Variants in IP6K1 observed in about 807,000 individuals in gnomAD.
The protein encoded by IP6K1 is ATP:1D-myo-inositol-hexakisphosphate phosphotransferase.
IP6K1 carries 13 observed loss-of-function variants against 38.3 expected under a neutral mutation model. That is an observed-to-expected ratio of 0.34 (90% CI 0.22 to 0.54). IP6K1 has a LOEUF of 0.54. Among genes scored for constraint, IP6K1 ranks in the 20% least tolerant of loss-of-function variants. The pLI is 0.92. For synonymous variants in IP6K1, 212 were observed against 229.9 expected (o/e 0.92, Z 0.70); for missense variants, 397 against 599.8 (o/e 0.66, Z 3.53).
At chr3:49,754,236 C>T (rs1037922293) in intron 1 of IP6K1, among the ~76,000 whole-genome samples, 4 of 151,818 alleles carry the variant, frequency 2.6e-5, no homozygotes, top group South Asian at 2.1e-4. Flanking sequence ...ATTAGCCAGG[C>T]GTGGTGGTGT....
chr3:49,736,451 T>C (rs1331260917), intron 3 of IP6K1, among the ~76,000 whole-genome samples: 1 of 152,184 alleles, frequency 6.6e-6, no homozygotes, highest in African/African-American at 2.4e-5. Flanking sequence ...GTGAACACTT[T>C]ACATAAATGG....
At chr3:49,766,317 C>A (rs540904064) in intron 1 of IP6K1, among the ~76,000 whole-genome samples, 3 of 151,882 alleles carry the variant, frequency 2.0e-5, no homozygotes, top group Non-Finnish European at 4.4e-5. Context: ...TGCAGTGAGC[C>A]AAGATCGCGC....
At chr3:49,729,332 A>G (rs2080542834) in intron 4 of IP6K1, among the ~76,000 whole-genome samples, 2 of 152,078 alleles carry the variant, frequency 1.3e-5, no homozygotes, top group South Asian at 4.1e-4. Context: ...ATATATCACA[A>G]ACTTTTTTGT....
intron 3 of IP6K1, among the ~76,000 whole-genome samples, chr3:49,736,716 A>G (rs934037540): frequency 5.9e-5 from 9 of 152,090 alleles, no homozygotes; most frequent in African/African-American, 1.9e-4. Context: ...TATGTATTCA[A>G]TTCTTTTGGG....
chr3:49,727,792 GC>G lies in IP6K1; in HGVS notation c.793-138del. 1.1e-6 allele frequency: 1 copy of G among 895,686 alleles called. No individual in the cohort carries two copies. The highest frequency in any genetic ancestry group is 1.7e-6 in the Non-Finnish European group (1 of 599,434). 55.5% of individuals were successfully genotyped at this position (895,686 alleles called of 1,614,324 possible). A position where few individuals can be genotyped will look rare whatever the true frequency, so the allele number is the denominator to read the frequency against. ...CACCTATCTAAGTGGAACCAGGCAG[GC>G]CACATTCACCCTGGGTTTTCCCATT... On this transcript the variant is annotated intron_variant, in intron 5 of 5. Transcript: ENST00000321599. The surrounding 1 kb of genome is among the most constrained non-coding windows in gnomAD (Gnocchi z 5.9).
intron 1 of IP6K1, among the ~76,000 whole-genome samples, chr3:49,774,187 T>C (rs2080985288): frequency 6.6e-6 from 1 of 151,926 alleles, no homozygotes; most frequent in South Asian, 2.1e-4. Flanking sequence ...AGGCGGATCA[T>C]GAGGTTAGGA....
At position 49,727,981 on chromosome 3, in the gene IP6K1, AAGTCAAC is replaced by A; in HGVS notation, c.792+115_792+121del. On this transcript the variant is annotated intron_variant, in intron 5 of 5. Coordinates refer to ENST00000321599, the MANE Select transcript of IP6K1 (RefSeq NM_153273.4). The surrounding 1 kb of genome is among the most constrained non-coding windows in gnomAD (Gnocchi z 5.9). ...GGTCCTGCACCTGAGGCCCATATCA[AAGTCAAC>A]AGGTAAGGACAGAGGGGCTCAGGAG... 3.1e-6 allele frequency: 3 copies of A among 982,680 alleles called. No individual in the cohort carries two copies. In the South Asian group the frequency reaches 4.6e-5, roughly 15 times the overall value. 60.9% of individuals were successfully genotyped at this position (982,680 alleles called of 1,614,324 possible).
rs751051617 is a variant in IP6K1, at chr3:49,726,968, G to C, written c.*154C>G. 7 of 772,912 alleles carry C rather than the reference G, an allele frequency of 9.1e-6. No individual in the cohort carries two copies. Among genetic ancestry groups the C allele is most frequent in the Non-Finnish European group, 1.4e-5 (7 of 490,566 alleles). 47.9% of individuals were successfully genotyped at this position (772,912 alleles called of 1,614,324 possible). On this transcript the variant is annotated 3_prime_UTR_variant, in exon 6 of 6. Coordinates refer to ENST00000321599, the MANE Select transcript of IP6K1 (RefSeq NM_153273.4). ...TGCCCTCCTTCACTTTATATATATG[G>C]ATTCCAGGCTACAGCTAAAAACATT...
At chr3:49,774,128 G>A (rs569246949) in intron 1 of IP6K1, among the ~76,000 whole-genome samples, 5 of 152,042 alleles carry the variant, frequency 3.3e-5, no homozygotes, top group East Asian at 1.9e-4. Flanking sequence ...TTTGCAGGCC[G>A]GGCACAGTGG....
intron 1 of IP6K1, among the ~76,000 whole-genome samples, chr3:49,782,369 C>T (rs562154178): frequency 7.7e-4 from 117 of 152,144 alleles, no homozygotes; most frequent in African/African-American, 2.7e-3. Context: ...CGGTTTTTCA[C>T]CATGTTGGTC....
rs17598495 is a variant in IP6K1 at position 49,727,054 on chromosome 3, G to A, written c.*68C>T. ...TAAAAGCAAGTCTGTGTGTCCTCAC[G>A]GCAAGTTCAGAACAATGGTCCCTGC... On this transcript the variant is annotated 3_prime_UTR_variant, in exon 6 of 6. Coordinates refer to ENST00000321599, the MANE Select transcript of IP6K1 (RefSeq NM_153273.4). This position sits in a 1 kb window ranked among gnomAD's most constrained non-coding sequence, Gnocchi z 5.9. The A allele has an allele frequency of 6.2e-6, 9 of 1,447,758 alleles. No homozygotes were observed. The highest frequency in any genetic ancestry group is 1.4e-5 in the African/African-American group (1 of 70,410). 89.7% of individuals were successfully genotyped at this position (1,447,758 alleles called of 1,614,324 possible).
Position 49,732,955 on chromosome 3 carries a change from C to A in IP6K1, c.452G>T (p.Ser151Ile), listed in dbSNP as rs1194046615. 22 of 1,613,028 alleles carry A rather than the reference C, an allele frequency of 1.4e-5. No individual in the cohort carries two copies. The highest frequency in any genetic ancestry group is 1.6e-4 in the Middle Eastern group (1 of 6,080). Reference sequence around the variant, plus strand: ...GTGGCTGTGCAGCTCCACCTTCGGACTCTTTGCCTCCTGTGAGCTAAGAAG... The same window carrying A: ...GTGGCTGTGCAGCTCCACCTTCGGAATCTTTGCCTCCTGTGAGCTAAGAAG... ...ETSESSQEAK[S>I]PKVELHSHSE... The change falls in exon 4 of 6, where the codon AGT (serine) becomes ATT (isoleucine). Residue 151 changes from serine to isoleucine, a missense_variant. Transcript: ENST00000321599.
chr3:49,729,751 A>G (rs1397980265), intron 4 of IP6K1, among the ~76,000 whole-genome samples: 2 of 147,140 alleles, frequency 1.4e-5, no homozygotes, highest in Non-Finnish European at 3.0e-5. Context: ...TTTTTTTGAG[A>G]CAGAGTCTCA....
At chr3:49,735,713 TA>T (rs2080604726) in intron 3 of IP6K1, among the ~76,000 whole-genome samples, 3 of 152,210 alleles carry the variant, frequency 2.0e-5, no homozygotes. Flanking sequence ...TCTCATGGGG[TA>T]CTGTACTTGA....
intron 4 of IP6K1, among the ~76,000 whole-genome samples, chr3:49,731,769 T>C (rs2080563506): frequency 6.6e-6 from 1 of 151,720 alleles, no homozygotes; most frequent in Non-Finnish European, 1.5e-5. Flanking sequence ...ACGCCTGTAA[T>C]CCCAGCTACT....
At chr3:49,733,847 A>G (rs560710083) in intron 3 of IP6K1, among the ~76,000 whole-genome samples, 2 of 152,354 alleles carry the variant, frequency 1.3e-5, no homozygotes, top group African/African-American at 4.8e-5. Flanking sequence ...AAATAAGTCA[A>G]GGCCAGGCAC....
chr3:49,783,001 T>A (rs1401892601), intron 1 of IP6K1, among the ~76,000 whole-genome samples: 2 of 149,354 alleles, frequency 1.3e-5, no homozygotes, highest in Non-Finnish European at 1.5e-5. Context: ...ACTCCTGTAG[T>A]CCCAGCTACT....
intron 1 of IP6K1, among the ~76,000 whole-genome samples, chr3:49,755,410 A>G (rs1335840262): frequency 6.6e-6 from 1 of 152,224 alleles, no homozygotes; most frequent in Admixed American, 6.5e-5. Flanking sequence ...GTACCATGAC[A>G]AAGTATCATA....
chr3:49,746,385 A>G (rs963853426), intron 2 of IP6K1, among the ~76,000 whole-genome samples: 35 of 31,700 alleles, frequency 1.1e-3, no homozygotes, highest in Non-Finnish European at 1.9e-3. Flanking sequence ...AAAAAGAATG[A>G]AGTGGGCCAG....
Sources: allele counts gnomAD v4.1 joint callset (sites outside exome capture counted in the v4.1 genomes callset), GRCh38; gene constraint gnomAD v4.1.1; non-coding constraint Gnocchi (gnomAD v3.1); transcripts MANE v1.5; gene names NCBI Gene and HGNC (gene_info 2026-07-23, HGNC 2026-07-21).